CACNA1C: variants seen among roughly 807,000 people sequenced by gnomAD.
CACNA1C encodes voltage-dependent L-type calcium channel subunit alpha-1C.
A neutral mutation model predicts 229.0 loss-of-function variants in CACNA1C; 30 were observed. That is an observed-to-expected ratio of 0.13 (90% CI 0.10 to 0.18). The LOEUF (loss-of-function observed/expected upper bound fraction) is 0.18. Ranked by LOEUF, CACNA1C falls within the 10% of genes least tolerant of loss-of-function variation. The pLI, the probability that CACNA1C is intolerant of heterozygous loss-of-function variation, is 1.00. For synonymous variants in CACNA1C, 1,114 were observed against 1,132.5 expected (o/e 0.98, Z 0.33); for missense variants, 1,658 against 2,845.0 (o/e 0.58, Z 9.49).
At chr12:2,433,277 T>G (rs1169745782) in intron 3 of CACNA1C, among the ~76,000 whole-genome samples, 1 of 152,146 alleles carries the variant, frequency 6.6e-6, no homozygotes, top group Non-Finnish European at 1.5e-5. Flanking sequence ...GCTGATGTGC[T>G]TGGGGCCACA....
At chr12:2,622,246 A>G (rs1285141561) in intron 29 of CACNA1C, among the ~76,000 whole-genome samples, 2 of 152,180 alleles carry the variant, frequency 1.3e-5, no homozygotes, top group East Asian at 3.9e-4. Flanking sequence ...CCAGAGGGTG[A>G]CATGAAAAGG....
chr12:2,081,551 A>G (rs991971459), intron 1 of CACNA1C, among the ~76,000 whole-genome samples: 5 of 149,928 alleles, frequency 3.3e-5, no homozygotes, highest in Admixed American at 2.7e-4. Context: ...AGCCTGGGCG[A>G]CAGAGCGAGA....
chr12:2,175,250 T>C (rs2096613510), intron 3 of CACNA1C, among the ~76,000 whole-genome samples: 1 of 152,218 alleles, frequency 6.6e-6, no homozygotes, highest in South Asian at 2.1e-4. Flanking sequence ...TTGGTTTGAA[T>C]CAGGATTCTA....
At chr12:2,214,373 T>G (rs2059434303) in intron 3 of CACNA1C, among the ~76,000 whole-genome samples, 2 of 152,314 alleles carry the variant, frequency 1.3e-5, no homozygotes, top group South Asian at 2.1e-4. Context: ...CCTCAGAGTG[T>G]CATTGCAGGA....
intron 9 of CACNA1C, among the ~76,000 whole-genome samples, chr12:2,515,541 T>C (rs1202606179): frequency 6.6e-6 from 1 of 152,250 alleles, no homozygotes; most frequent in Non-Finnish European, 1.5e-5. Context: ...GCCAATTCTC[T>C]TCAGCTCAAA....
At chr12:2,369,711 C>T (rs2097805101) in intron 3 of CACNA1C, among the ~76,000 whole-genome samples, 1 of 152,076 alleles carries the variant, frequency 6.6e-6, no homozygotes, top group Admixed American at 6.6e-5. Flanking sequence ...GCCTACATAC[C>T]TATCTTATAC....
rs917884780 is a variant in CACNA1C at position 2,677,775 on chromosome 12, C to T, written c.4999C>T (p.Arg1667Trp). ...TLHDIGPEIR[R>W]AISGDLTAEE... ...GCATGACATCGGGCCTGAGATCCGACGGGCCATCTCTGGAGATCTCACCGC... is the reference window on the plus strand; with the variant it reads ...GCATGACATCGGGCCTGAGATCCGATGGGCCATCTCTGGAGATCTCACCGC... Residue 1667 changes from arginine to tryptophan, a missense_variant, in exon 41 of 47, where the codon CGG becomes TGG. Transcript: ENST00000399655. The surrounding 1 kb of genome is among the most constrained non-coding windows in gnomAD (Gnocchi z 7.4). 10 of 1,613,790 alleles carry T rather than the reference C, an allele frequency of 6.2e-6. No homozygotes were observed. Among genetic ancestry groups the T allele is most frequent in the African/African-American group, 1.3e-5 (1 of 74,910 alleles).
At chr12:2,023,094 C>A (rs1217921964) in intron 1 of CACNA1C, among the ~76,000 whole-genome samples, 1 of 152,118 alleles carries the variant, frequency 6.6e-6, no homozygotes, top group Non-Finnish European at 1.5e-5. Flanking sequence ...CTGAGCCCCC[C>A]AAATTATTAA....
intron 5 of CACNA1C, among the ~76,000 whole-genome samples, chr12:2,458,543 T>C (rs2099462218): frequency 6.6e-6 from 1 of 152,202 alleles, no homozygotes; most frequent in Non-Finnish European, 1.5e-5. Flanking sequence ...CTGGACTCAT[T>C]TGCTTAAATT....
intron 6 of CACNA1C, among the ~76,000 whole-genome samples, chr12:2,487,224 A>G (rs116998356): frequency 2.3e-3 from 347 of 152,038 alleles, no homozygotes; most frequent in Non-Finnish European, 4.0e-3. Context: ...CCATCATCTT[A>G]GTTTTTAGCA....
At chr12:2,428,300 C>T (rs959264421) in intron 3 of CACNA1C, among the ~76,000 whole-genome samples, 1 of 152,156 alleles carries the variant, frequency 6.6e-6, no homozygotes, top group Non-Finnish European at 1.5e-5. Flanking sequence ...GGGCTTGTCT[C>T]CTGCTGGCCT....
Position 1,971,069 on chromosome 12 carries a change from C to T in CACNA1C, c.7C>T (p.Arg3Ter), listed in dbSNP as rs759475921. 17 of 1,288,120 alleles carry T rather than the reference C, an allele frequency of 1.3e-5. No homozygotes were observed. In the South Asian group the frequency reaches 1.4e-4, roughly 10 times the overall value. The allele number at this position is 1,288,120 out of a possible 1,614,324, so 79.8% of individuals were successfully genotyped here. Residue 3 changes from arginine (R) to a stop codon, truncating the protein, a stop_gained, in exon 1 of 47, where the codon CGA becomes TGA. Transcript: ENST00000682462. LOFTEE classifies it high-confidence loss of function. The surrounding 1 kb of genome is among the most constrained non-coding windows in gnomAD (Gnocchi z 4.2). ...ATACATCTGGAAATTCACAATGCTT[C>T]GAGCCTTTGTTCAGCCTGGTACGCC...
chr12:2,357,742 G>A (rs1448919316), intron 3 of CACNA1C, among the ~76,000 whole-genome samples: 1 of 151,366 alleles, frequency 6.6e-6, no homozygotes, highest in African/African-American at 2.4e-5. Flanking sequence ...AGGCTGAGGC[G>A]GGTGGATCAT....
At chr12:2,581,439 AC>A (rs2060462882) in intron 13 of CACNA1C, 150 bp from the exon 14 acceptor site, 1 of 651,642 alleles carries the variant, frequency 1.5e-6, no homozygotes, top group African/African-American at 1.8e-5. Flanking sequence ...GGCAACTCAC[AC>A]CACCACCAAC....
At chr12:2,326,095 T>A (rs1333808294) in intron 3 of CACNA1C, among the ~76,000 whole-genome samples, 2 of 152,166 alleles carry the variant, frequency 1.3e-5, no homozygotes, top group African/African-American at 4.8e-5. Context: ...GTTTTTGTTC[T>A]TCATCATCAA....
chr12:2,638,033 A>T (rs2093076132), intron 30 of CACNA1C, among the ~76,000 whole-genome samples: 1 of 152,146 alleles, frequency 6.6e-6, no homozygotes, highest in African/African-American at 2.4e-5. Flanking sequence ...CTCACTTCCT[A>T]TACGTCAGGC....
chr12:2,378,682 G>C (rs2098142179), intron 3 of CACNA1C, among the ~76,000 whole-genome samples: 2 of 152,206 alleles, frequency 1.3e-5, no homozygotes, highest in African/African-American at 4.8e-5. Flanking sequence ...ACTCCCCGTG[G>C]GGGAAGAGTG....
intron 11 of CACNA1C, among the ~76,000 whole-genome samples, chr12:2,564,614 C>T: frequency 6.6e-6 from 1 of 152,252 alleles, no homozygotes; most frequent in Non-Finnish European, 1.5e-5. Flanking sequence ...GAGCTCTACT[C>T]CCGCTCCTCT....
Position 2,532,426 on chromosome 12 carries a change from C to G in CACNA1C, c.1391-17517C>G, listed in dbSNP as rs533372775. 7.9e-5 allele frequency among the ~76,000 whole-genome samples: 12 copies of G among 152,342 alleles called. No individual in the cohort carries two copies. In the South Asian group the frequency reaches 2.5e-3, roughly 32 times the overall value. On this transcript the variant is annotated intron_variant, in intron 9 of 46. Coordinates refer to ENST00000399655, the MANE Select transcript of CACNA1C (RefSeq NM_000719.7). ...CCATCTGCAAGAAGGCCCGCTCCCC[C>G]ACAGTATTATTGAGATAGTAACAGG...
Sources: gnomAD v4.1 joint callset for allele counts (sites outside exome capture counted in the v4.1 genomes callset) on GRCh38, gnomAD v4.1.1 for gene constraint, Gnocchi (gnomAD v3.1) non-coding constraint, MANE v1.5 for transcripts, NCBI Gene and HGNC (gene_info 2026-07-23, HGNC 2026-07-21) for gene names.